The following SENP6 variants were observed in gnomAD, a reference collection of about 807,000 sequenced individuals.
The protein encoded by SENP6 is SUMO specific peptidase 6, also known as sentrin-specific protease 6.
Under a neutral mutation model 134.5 loss-of-function variants are expected in SENP6, and 41 were observed. The observed-to-expected ratio is 0.30, with a 90% CI of 0.24 to 0.40. The LOEUF is 0.40. SENP6 is among the 10% of genes least tolerant of loss of function. The probability of loss-of-function intolerance (pLI) is 1.00; values close to 1 mark genes in which losing one functional copy is unlikely to be tolerated. For synonymous variants in SENP6, 395 were observed against 429.8 expected (o/e 0.92, Z 1.00); for missense variants, 1,248 against 1,312.5 (o/e 0.95, Z 0.76).
intron 16 of SENP6, among the ~76,000 whole-genome samples, chr6:75,693,163 G>GC (rs1341821977): frequency 1.3e-5 from 2 of 152,138 alleles, no homozygotes; most frequent in African/African-American, 2.4e-5. Flanking sequence ...ATTTTGGGAG[G>GC]CCAGGGTGGG....
At chr6:75,668,484 G>T (rs904247022) in intron 10 of SENP6, among the ~76,000 whole-genome samples, 1 of 152,034 alleles carries the variant, frequency 6.6e-6, no homozygotes, top group Non-Finnish European at 1.5e-5. Context: ...GAAAGGAAAT[G>T]AATAGAATTC....
chr6:75,673,428 A>G (rs377641813), intron 11 of SENP6, among the ~76,000 whole-genome samples: 24 of 150,112 alleles, frequency 1.6e-4, no homozygotes, highest in African/African-American at 5.1e-4. Context: ...GGTTCCGGCA[A>G]TTCTCCTACC....
rs1231382626 is a variant in SENP6 at position 75,715,784 on chromosome 6, A to G, written c.*190A>G. 1.1e-5 allele frequency: 4 copies of G among 377,422 alleles called. No homozygotes were observed. The East Asian group carries it at 1.2e-4, about 11-fold the overall frequency. The allele number at this position is 377,422 out of a possible 1,614,324, so 23.4% of individuals were successfully genotyped here. A position where few individuals can be genotyped will look rare whatever the true frequency, so the allele number is the denominator to read the frequency against. Reference sequence around the variant, plus strand: ...GTCTGTAAATATGTTAATGAGGCCAATTTTTCCAGCATTTATAATTATTTT... The same window carrying G: ...GTCTGTAAATATGTTAATGAGGCCAGTTTTTCCAGCATTTATAATTATTTT... On this transcript the variant is annotated 3_prime_UTR_variant, in exon 24 of 24. Coordinates refer to ENST00000447266, the MANE Select transcript of SENP6 (RefSeq NM_015571.4).
intron 7 of SENP6, among the ~76,000 whole-genome samples, chr6:75,657,892 A>G (rs1202341897): frequency 6.6e-6 from 1 of 152,202 alleles, no homozygotes; most frequent in Non-Finnish European, 1.5e-5. Context: ...ACATGAAGAA[A>G]TGAACCTTTT....
intron 16 of SENP6, 62 bp from the exon 17 acceptor site, chr6:75,695,742 A>C (rs1177777842): frequency 7.2e-7 from 1 of 1,395,054 alleles, no homozygotes; most frequent in Non-Finnish European, 9.7e-7. Context: ...GTCTCAAAAA[A>C]ATAGAAATAA....
Position 75,710,996 on chromosome 6 carries a change from G to A in SENP6, c.2821-332G>A, listed in dbSNP as rs552054439. 7.8e-4 allele frequency among the ~76,000 whole-genome samples: 119 copies of A among 152,142 alleles called. 1 individual carries two copies. The South Asian group carries it at 0.019, about 25-fold the overall frequency. Reference sequence around the variant, plus strand: ...GTCTTAGCCAACAAACTAAATTTTTGTAAAAATAAACTAAAATCAGAGCAG... The same window carrying A: ...GTCTTAGCCAACAAACTAAATTTTTATAAAAATAAACTAAAATCAGAGCAG... On this transcript the variant is annotated intron_variant, in intron 20 of 23. Transcript: ENST00000447266.
At chr6:75,675,012 T>C (rs1772977010) in intron 11 of SENP6, among the ~76,000 whole-genome samples, 1 of 152,190 alleles carries the variant, frequency 6.6e-6, no homozygotes, top group South Asian at 2.1e-4. Context: ...TAATGTGTCT[T>C]TTCCACATTG....
intron 5 of SENP6, among the ~76,000 whole-genome samples, chr6:75,639,170 C>G (rs2149842132): frequency 6.6e-6 from 1 of 152,212 alleles, no homozygotes; most frequent in South Asian, 2.1e-4. Flanking sequence ...TTTGCTTTTT[C>G]TGGAAATGCA....
At chr6:75,695,490 A>G (rs1774596359) in intron 16 of SENP6, among the ~76,000 whole-genome samples, 1 of 152,172 alleles carries the variant, frequency 6.6e-6, no homozygotes, top group Non-Finnish European at 1.5e-5. Flanking sequence ...TAATCCCAGC[A>G]CTTTGGGAGG....
chr6:75,652,508 A>G (rs1770948005), intron 7 of SENP6, among the ~76,000 whole-genome samples: 1 of 151,870 alleles, frequency 6.6e-6, no homozygotes, highest in Non-Finnish European at 1.5e-5. Context: ...GACAAATGAT[A>G]TACAGATTTT....
chr6:75,624,792 C>T (rs1361168092), intron 3 of SENP6, among the ~76,000 whole-genome samples: 1 of 151,894 alleles, frequency 6.6e-6, no homozygotes, highest in Non-Finnish European at 1.5e-5. Context: ...TCTTTGAAAT[C>T]TAGATGCATC....
chr6:75,611,223 C>T (rs922296182), intron 1 of SENP6: 3 of 152,182 alleles, frequency 2.0e-5, no homozygotes, highest in Admixed American at 6.5e-5. Context: ...CCAGTGGTCA[C>T]TATTTGAATG....
chr6:75,651,218 G>GT (rs375017619), intron 7 of SENP6, among the ~76,000 whole-genome samples: 2 of 151,568 alleles, frequency 1.3e-5, no homozygotes, highest in African/African-American at 4.8e-5. Context: ...TTTTCAGCCT[G>GT]TTTTTTGTAT....
rs564655385 is a variant in SENP6 at position 75,676,773 on chromosome 6, G to A, written c.1622-257G>A. On this transcript the variant is annotated intron_variant, in intron 13 of 23. Coordinates refer to ENST00000447266, the MANE Select transcript of SENP6 (RefSeq NM_015571.4). ...TAGATGAAGTAAATTAGTTACATAC[G>A]TGAATAGATTTGTTCTTGAACTGTT... 30 of 290,758 alleles carry A rather than the reference G, an allele frequency of 1.0e-4. 1 individual carries two copies. Among genetic ancestry groups the A allele is most frequent in the Non-Finnish European group, 1.7e-4 (27 of 156,808 alleles). 18.0% of individuals were successfully genotyped at this position (290,758 alleles called of 1,614,324 possible).
At chr6:75,607,823 G>A (rs1582646634) in intron 1 of SENP6, among the ~76,000 whole-genome samples, 1 of 152,084 alleles carries the variant, frequency 6.6e-6, no homozygotes, top group East Asian at 1.9e-4. Context: ...AGTCTTTTAT[G>A]TTATATATAA....
At chr6:75,707,948 G>T (rs1360210667) in intron 19 of SENP6, among the ~76,000 whole-genome samples, 4 of 152,136 alleles carry the variant, frequency 2.6e-5, no homozygotes, top group Admixed American at 6.5e-5. Flanking sequence ...CTCCCAAAGT[G>T]CTAGAGGATT....
At chr6:75,645,501 C>T (rs1239625200) in intron 6 of SENP6, among the ~76,000 whole-genome samples, 1 of 152,144 alleles carries the variant, frequency 6.6e-6, no homozygotes, top group Non-Finnish European at 1.5e-5. Context: ...CGTGTAATCC[C>T]AGCTACTCAG....
At chr6:75,630,882 TAAAAGCAA>T (rs768087223) in intron 3 of SENP6, among the ~76,000 whole-genome samples, 53 of 152,222 alleles carry the variant, frequency 3.5e-4, no homozygotes, top group Non-Finnish European at 5.6e-4. Context: ...ATTTTATGTT[TAAAAGCAA>T]AAAAGGAAAA....
chr6:75,629,373 A>G (rs1198125001), intron 3 of SENP6, among the ~76,000 whole-genome samples: 2 of 152,030 alleles, frequency 1.3e-5, no homozygotes, highest in Non-Finnish European at 2.9e-5. Context: ...ATCTTGGCTC[A>G]CTGCAACCTT....
Sources: gnomAD v4.1 joint callset for allele counts (sites outside exome capture counted in the v4.1 genomes callset) on GRCh38, gnomAD v4.1.1 for gene constraint, MANE v1.5 for transcripts, NCBI Gene and HGNC (gene_info 2026-07-23, HGNC 2026-07-21) for gene names.